Variants in UMAD1 observed in about 807,000 individuals in gnomAD.
UMAD1 encodes UBAP1-MVB12-associated (UMA)-domain containing protein 1.
UMAD1 carries 8 observed loss-of-function variants against 6.1 expected under a neutral mutation model. The ratio of observed to expected loss-of-function variants is 1.30; its 90% CI spans 0.76 to 2.35. UMAD1 has a LOEUF of 2.35. Ranked by LOEUF, UMAD1 falls within the 30% of genes most tolerant of loss-of-function variation. The pLI is 0.00. For missense variants in UMAD1, 130 were observed against 78.4 expected, an observed-to-expected ratio of 1.66 and a Z score of -2.49; for synonymous variants, 56 against 31.4, an observed-to-expected ratio of 1.78 and a Z score of -2.61.
intron 3 of UMAD1, among the ~76,000 whole-genome samples, chr7:7,853,095 G>T (rs1310206836): frequency 2.0e-5 from 3 of 152,198 alleles, no homozygotes; most frequent in African/African-American, 7.2e-5. Flanking sequence ...AACAAATGCT[G>T]TGGGAGTTAT....
chr7:7,851,115 T>G (rs930870912), intron 3 of UMAD1, among the ~76,000 whole-genome samples: 1 of 152,212 alleles, frequency 6.6e-6, no homozygotes, highest in Non-Finnish European at 1.5e-5. Context: ...TCTTATAGAT[T>G]TACCTATTCT....
intron 3 of UMAD1, among the ~76,000 whole-genome samples, chr7:7,837,758 T>C (rs1291852221): frequency 1.3e-5 from 2 of 152,176 alleles, no homozygotes; most frequent in Non-Finnish European, 2.9e-5. Context: ...TAAATTTTCC[T>C]GTTAAAAAGC....
chr7:7,659,967 G>C (rs535413417), intron 1 of UMAD1, among the ~76,000 whole-genome samples: 27 of 152,186 alleles, frequency 1.8e-4, no homozygotes, highest in African/African-American at 6.5e-4. Context: ...AGAACTTGCT[G>C]TATGAATCTG....
chr7:7,788,419 C>G (rs1444809181), intron 2 of UMAD1, among the ~76,000 whole-genome samples: 3 of 152,194 alleles, frequency 2.0e-5, no homozygotes, highest in African/African-American at 7.2e-5. Flanking sequence ...TATTTATTCT[C>G]ATACTATTTA....
At chr7:7,784,472 G>C (rs1445426007) in intron 2 of UMAD1, among the ~76,000 whole-genome samples, 1 of 149,510 alleles carries the variant, frequency 6.7e-6, no homozygotes, top group African/African-American at 2.5e-5. Flanking sequence ...AGTAGCTGGG[G>C]CTACAGGCAC....
intron 1 of UMAD1, among the ~76,000 whole-genome samples, chr7:7,656,933 A>C (rs1013881831): frequency 2.0e-5 from 3 of 152,234 alleles, no homozygotes; most frequent in African/African-American, 7.2e-5. Context: ...TTCCACCAAC[A>C]GTGTTAAAAG....
intron 3 of UMAD1, among the ~76,000 whole-genome samples, chr7:7,857,592 T>A (rs1294456660): frequency 6.6e-6 from 1 of 152,248 alleles, no homozygotes; most frequent in Admixed American, 6.5e-5. Context: ...CTTTGAGTTC[T>A]TAAATTTCAC....
intron 2 of UMAD1, among the ~76,000 whole-genome samples, chr7:7,799,944 C>T (rs1056407375): frequency 4.1e-4 from 63 of 152,294 alleles, no homozygotes; most frequent in Admixed American, 1.2e-3. Flanking sequence ...AGTGCAATGG[C>T]GCGTTCTCGG....
At chr7:7,801,610 G>A (rs1232258355) in intron 2 of UMAD1, 60 bp from the exon 3 acceptor site, 7 of 680,068 alleles carry the variant, frequency 1.0e-5, no homozygotes, top group Non-Finnish European at 1.6e-5. Context: ...CAAATAGCAA[G>A]TAGTTTGGCC....
intron 3 of UMAD1, among the ~76,000 whole-genome samples, chr7:7,848,911 T>G (rs755862528): frequency 5.3e-5 from 8 of 152,196 alleles, no homozygotes; most frequent in Non-Finnish European, 1.2e-4. Flanking sequence ...ACAATTTCTC[T>G]TGTTCTTTGA....
At chr7:7,658,394 TC>T (rs1469303131) in intron 1 of UMAD1, among the ~76,000 whole-genome samples, 6 of 152,256 alleles carry the variant, frequency 3.9e-5, no homozygotes, top group African/African-American at 1.4e-4. Context: ...GTGCCAGTTT[TC>T]AAAGGGAATG....
intron 2 of UMAD1, among the ~76,000 whole-genome samples, chr7:7,795,103 T>G (rs1223609399): frequency 6.6e-6 from 1 of 152,238 alleles, no homozygotes. Context: ...ATATATACCT[T>G]ACATGTATTG....
chr7:7,698,866 T>A (rs1276251879), intron 2 of UMAD1, among the ~76,000 whole-genome samples: 1 of 151,032 alleles, frequency 6.6e-6, no homozygotes, highest in Non-Finnish European at 1.5e-5. Flanking sequence ...ACTCACCCTC[T>A]TGTCTTTTTT....
At chr7:7,663,082 C>T (rs565153054) in intron 1 of UMAD1, among the ~76,000 whole-genome samples, 11 of 151,666 alleles carry the variant, frequency 7.3e-5, no homozygotes, top group South Asian at 2.1e-4. Context: ...CACCCAAATG[C>T]GAAAGTTTAT....
chr7:7,674,342 G>A (rs1481899169), intron 2 of UMAD1, among the ~76,000 whole-genome samples: 1 of 152,192 alleles, frequency 6.6e-6, no homozygotes, highest in Admixed American at 6.5e-5. Context: ...CCAATGCTCT[G>A]TAGGCTTTGA....
chr7:7,688,125 T>A (rs1342142154), intron 2 of UMAD1, among the ~76,000 whole-genome samples: 1 of 152,154 alleles, frequency 6.6e-6, no homozygotes, highest in Admixed American at 6.5e-5. Context: ...CATGTAAAAT[T>A]TTAGGTTTGT....
intron 2 of UMAD1, among the ~76,000 whole-genome samples, chr7:7,787,764 T>G (rs1316211927): frequency 2.0e-5 from 3 of 152,208 alleles, no homozygotes; most frequent in African/African-American, 7.2e-5. Context: ...TCCAAGTATC[T>G]TATAGCTGAG....
At chr7:7,716,929 A>G (rs182896712) in intron 2 of UMAD1, among the ~76,000 whole-genome samples, 3 of 152,244 alleles carry the variant, frequency 2.0e-5, no homozygotes, top group Admixed American at 1.3e-4. Flanking sequence ...CTCGTGCCCT[A>G]TGTAAATCAG....
At chr7:7,847,706 G>A (rs997262851) in intron 3 of UMAD1, among the ~76,000 whole-genome samples, 8 of 151,996 alleles carry the variant, frequency 5.3e-5, no homozygotes, top group African/African-American at 1.9e-4. Context: ...CCCGACTCTG[G>A]TGCCGGGCAC....
Sources: gnomAD v4.1 joint callset for allele counts (sites outside exome capture counted in the v4.1 genomes callset) on GRCh38, gnomAD v4.1.1 for gene constraint, MANE v1.5 for transcripts, NCBI Gene and HGNC (gene_info 2026-07-23, HGNC 2026-07-21) for gene names.